The following PCDH15 variants were observed in gnomAD, a reference collection of about 807,000 sequenced individuals.
PCDH15 encodes the protein protocadherin-15.
PCDH15 carries 129 observed loss-of-function variants against 178.5 expected under a neutral mutation model. The ratio of observed to expected loss-of-function variants is 0.72; its 90% confidence interval spans 0.63 to 0.84. The LOEUF is 0.84. PCDH15 is among the 40% of genes least tolerant of loss of function. PCDH15 has a pLI of 0.00. For missense variants in PCDH15, 2,230 were observed against 2,099.9 expected (o/e 1.06, Z -1.21); for synonymous variants, 800 against 732.0 (o/e 1.09, Z -1.50).
At chr10:55,424,757 G>A (rs11004848) in intron 2 of PCDH15, among the ~76,000 whole-genome samples, 1 of 151,868 alleles carries the variant, frequency 6.6e-6, no homozygotes, top group Admixed American at 6.6e-5. Flanking sequence ...TAATTAATTT[G>A]CCAAACTCTC....
chr10:54,116,565 T>C (rs2095116845), intron 15 of PCDH15, among the ~76,000 whole-genome samples: 1 of 152,164 alleles, frequency 6.6e-6, no homozygotes, highest in Non-Finnish European at 1.5e-5. Flanking sequence ...TGAAGCAACA[T>C]CCTTCAGAGT....
intron 9 of PCDH15, among the ~76,000 whole-genome samples, chr10:54,226,814 G>T (rs934036490): frequency 2.0e-5 from 3 of 152,160 alleles, no homozygotes; most frequent in Admixed American, 6.5e-5. Flanking sequence ...CCAAATGGGA[G>T]AAATTGGCCA....
intron 1 of PCDH15, among the ~76,000 whole-genome samples, chr10:54,680,016 A>T (rs536120259): frequency 1.3e-5 from 2 of 152,346 alleles, no homozygotes; most frequent in African/African-American, 4.8e-5. Context: ...CCAAGATAAA[A>T]TATAACTAAT....
At chr10:54,157,390 G>T (rs1214663877) in intron 13 of PCDH15, among the ~76,000 whole-genome samples, 1 of 152,198 alleles carries the variant, frequency 6.6e-6, no homozygotes, top group Non-Finnish European at 1.5e-5. Context: ...GCTGAGGCTT[G>T]GAGCTTGAAA....
At chr10:54,555,736 C>CAAAAAAAAAAAAAAAAAAAAAAA (rs869032040) in intron 2 of PCDH15, among the ~76,000 whole-genome samples, 5 of 73,374 alleles carry the variant, frequency 6.8e-5, no homozygotes, top group Admixed American at 1.5e-4. Flanking sequence ...GACTCTGTCT[C>CAAAAAAAAAAAAAAAAAAAAAAA]AAAAAAAAAA....
At chr10:54,947,835 T>C (rs979401146) in intron 2 of PCDH15, among the ~76,000 whole-genome samples, 1 of 151,926 alleles carries the variant, frequency 6.6e-6, no homozygotes, top group Non-Finnish European at 1.5e-5. Context: ...TTATTTCCCT[T>C]AAATATTTTC....
chr10:55,382,065 A>C (rs1244107399), intron 2 of PCDH15, among the ~76,000 whole-genome samples: 1 of 152,196 alleles, frequency 6.6e-6, no homozygotes, highest in African/African-American at 2.4e-5. Context: ...ATAGATATGA[A>C]AGCTAAATAA....
At chr10:54,856,070 G>T (rs929874470) in intron 3 of PCDH15, among the ~76,000 whole-genome samples, 2 of 152,262 alleles carry the variant, frequency 1.3e-5, no homozygotes, top group East Asian at 1.9e-4. Flanking sequence ...CATGCACAAT[G>T]ATTAATACAT....
At chr10:55,401,175 T>C (rs936684849) in intron 2 of PCDH15, among the ~76,000 whole-genome samples, 1 of 152,052 alleles carries the variant, frequency 6.6e-6, no homozygotes, top group Non-Finnish European at 1.5e-5. Flanking sequence ...TCGGGAACAC[T>C]ACCAGCTTCT....
chr10:54,414,651 A>C (rs180757166), intron 3 of PCDH15, among the ~76,000 whole-genome samples: 2 of 152,230 alleles, frequency 1.3e-5, no homozygotes. Context: ...AAGTCTCTTT[A>C]CAATCTTACA....
intron 5 of PCDH15, among the ~76,000 whole-genome samples, chr10:54,360,849 A>ATTTGAAT (rs755263588): frequency 5.3e-5 from 8 of 152,180 alleles, no homozygotes; most frequent in Non-Finnish European, 8.8e-5. Flanking sequence ...ACTTGTGTTG[A>ATTTGAAT]TTTGAATTGA....
Position 54,153,282 on chromosome 10 carries a change from G to A in PCDH15, c.1602C>T (p.Val534=), listed in dbSNP as rs201215741. 1 of 1,613,628 alleles carries A rather than the reference G, an allele frequency of 6.2e-7. No homozygotes were observed. The highest frequency in any genetic ancestry group is 1.3e-5 in the African/African-American group (1 of 74,964). ...PGDSVIQLTA[V]DADEGSNGEI... is the part of the protein sequence containing the mutation. Reference sequence around the variant, plus strand: ...CCCCATTTGACCCTTCGTCTGCGTCGACTGCAGTGAGCTGGAATTGAAAAT... The same window carrying A: ...CCCCATTTGACCCTTCGTCTGCGTCAACTGCAGTGAGCTGGAATTGAAAAT... Residue 534 remains valine, a synonymous_variant, in exon 14 of 38, where the codon GTC becomes GTT. Coordinates refer to ENST00000644397, the MANE Select transcript of PCDH15 (RefSeq NM_001384140.1).
Position 54,162,133 on chromosome 10 carries a change from C to T in PCDH15, c.1591-8840G>A, listed in dbSNP as rs2045776041. Among the ~76,000 whole-genome samples, 3 of 152,226 alleles carry T rather than the reference C, an allele frequency of 2.0e-5. No homozygotes were observed. The South Asian group carries it at 6.2e-4, about 32-fold the overall frequency. On this transcript the variant is annotated intron_variant, in intron 13 of 37. Transcript: ENST00000644397. The stretch of plus-strand genomic sequence containing the variant: ...TTTTTTTCTGCTACATTATAGAATG[C>T]CCTTCAGGCTACTTGTTCATGTATT...
intron 2 of PCDH15, among the ~76,000 whole-genome samples, chr10:55,135,673 C>T (rs950475721): frequency 6.8e-6 from 1 of 147,558 alleles, no homozygotes; most frequent in Non-Finnish European, 1.5e-5. Context: ...ACCTCCACCT[C>T]CCAGGTTCAA....
intron 2 of PCDH15, chr10:55,468,558 A>T (rs1839889626): frequency 6.6e-6 from 1 of 152,120 alleles, no homozygotes; most frequent in Non-Finnish European, 1.5e-5. Flanking sequence ...ATAGAAATAC[A>T]TTTTTTTATC....
At chr10:54,133,858 T>TAC (rs142011670) in intron 14 of PCDH15, among the ~76,000 whole-genome samples, 49,306 of 134,072 alleles carry the variant, frequency 0.37, 10,279 homozygotes, top group African/African-American at 0.53. Context: ...TATGTATACA[T>TAC]ACACACACAC....
intron 1 of PCDH15, among the ~76,000 whole-genome samples, chr10:54,749,508 G>C (rs1362474004): frequency 6.6e-6 from 1 of 152,008 alleles, no homozygotes; most frequent in African/African-American, 2.4e-5. Context: ...TTCCTTTTGT[G>C]AAACCCAGAG....
At position 54,973,035 on chromosome 10, in the gene PCDH15, T is replaced by C. The variant is rs182216131; in HGVS notation, c.-79-75535A>G. Among the ~76,000 whole-genome samples the C allele has an allele frequency of 2.2e-3, 329 of 151,908 alleles. 1 individual carries two copies. The highest frequency in any genetic ancestry group is 7.3e-3 in the African/African-American group (305 of 41,512). ...ATTAAAATTATAATGATGAATGCTT[T>C]GTGGCCACATGGAAATGGTTATGAT... On this transcript the variant is annotated intron_variant, in intron 2 of 5. Transcript: ENST00000458638.
At chr10:54,947,594 T>G (rs555064391) in intron 2 of PCDH15, among the ~76,000 whole-genome samples, 1 of 152,026 alleles carries the variant, frequency 6.6e-6, no homozygotes, top group Admixed American at 6.6e-5. Context: ...TAGTTTAATG[T>G]CTATATATGT....
Sources: allele counts gnomAD v4.1 joint callset (sites outside exome capture counted in the v4.1 genomes callset), GRCh38; gene constraint gnomAD v4.1.1; transcripts MANE v1.5; gene names NCBI Gene and HGNC (gene_info 2026-07-23, HGNC 2026-07-21).